Variants in KCTD8 observed in about 807,000 individuals in gnomAD.
KCTD8 encodes potassium channel tetramerization domain containing 8, also known as BTB/POZ domain-containing protein KCTD8.
In KCTD8, 27 loss-of-function variants were observed where a neutral mutation model predicts 31.5. That is an observed-to-expected ratio of 0.86 (90% CI 0.63 to 1.18). The LOEUF is 1.18. Ranked by LOEUF, KCTD8 falls within the 50% of genes most tolerant of loss-of-function variation. The probability of loss-of-function intolerance (pLI) is 0.00; values close to 1 mark genes in which losing one functional copy is unlikely to be tolerated. For synonymous variants in KCTD8, 290 were observed against 280.0 expected, an observed-to-expected ratio of 1.04 and a Z score of -0.36; for missense variants, 658 against 647.7, an observed-to-expected ratio of 1.02 and a Z score of -0.17.
At chr4:44,266,950 C>T (rs920709856) in intron 1 of KCTD8, among the ~76,000 whole-genome samples, 1 of 151,988 alleles carries the variant, frequency 6.6e-6, no homozygotes, top group African/African-American at 2.4e-5. Flanking sequence ...TAATGGGAGA[C>T]TTTAACACCC....
rs368313898 is a variant in KCTD8 at position 44,293,600 on chromosome 4, C to T, written c.962-118350G>A. The T allele has an allele frequency of 4.0e-4, 138 of 347,226 alleles. 2 individuals are homozygous for T. Among genetic ancestry groups the T allele is most frequent in the African/African-American group, 2.2e-3 (100 of 46,438 alleles). 21.5% of individuals were successfully genotyped at this position (347,226 alleles called of 1,614,324 possible). ...CAAATTATATTTATTATTTTAGATG[C>T]TAGATTTCTAGTCTTTAATTTTTTT... On this transcript the variant is annotated intron_variant, in intron 1 of 1. Transcript: ENST00000360029.
chr4:44,448,440 C>G lies in KCTD8; in HGVS notation c.84G>C (p.Ala28=), dbSNP rs1722014807. ...AGGGCCCCGGGGCGGCGGCGGCCGACGCGCCGGGCGAGCTGGACGAGGAAA... is the reference window on the plus strand; with the variant it reads ...AGGGCCCCGGGGCGGCGGCGGCCGAGGCGCCGGGCGAGCTGGACGAGGAAA... ...EMVSSSSSPG[A]SAAAAPGPCA... is the part of the protein sequence containing the mutation. Residue 28 remains alanine (A), a synonymous_variant, in exon 1 of 2, where the codon GCG becomes GCC. Coordinates refer to ENST00000360029, the MANE Select transcript of KCTD8 (RefSeq NM_198353.3). The surrounding 1 kb of genome is among the most constrained non-coding windows in gnomAD (Gnocchi z 4.1). The G allele has an allele frequency of 6.5e-7, 1 of 1,544,912 alleles. No homozygotes were observed. The highest frequency in any genetic ancestry group is 8.7e-7 in the Non-Finnish European group (1 of 1,154,034).
intron 1 of KCTD8, among the ~76,000 whole-genome samples, chr4:44,284,071 C>G (rs1716984657): frequency 6.6e-6 from 1 of 151,878 alleles, no homozygotes; most frequent in South Asian, 2.1e-4. Flanking sequence ...TTTATAGATT[C>G]AATGCTATCC....
intron 1 of KCTD8, among the ~76,000 whole-genome samples, chr4:44,222,308 G>C (rs1174553518): frequency 6.6e-6 from 1 of 152,200 alleles, no homozygotes; most frequent in African/African-American, 2.4e-5. Flanking sequence ...AGGAAGGAAA[G>C]CTCAATGTGG....
chr4:44,374,237 G>C (rs1294094872), intron 1 of KCTD8, among the ~76,000 whole-genome samples: 2 of 152,154 alleles, frequency 1.3e-5, no homozygotes, highest in African/African-American at 4.8e-5. Flanking sequence ...TGAATGGAAA[G>C]GACAATCAAG....
chr4:44,394,776 T>C (rs1461659953), intron 1 of KCTD8, among the ~76,000 whole-genome samples: 1 of 152,122 alleles, frequency 6.6e-6, no homozygotes, highest in Non-Finnish European at 1.5e-5. Flanking sequence ...CTTTACTTGA[T>C]TCAGTGAAGA....
intron 1 of KCTD8, among the ~76,000 whole-genome samples, chr4:44,316,830 A>G (rs28673593): frequency 1.4e-5 from 2 of 145,010 alleles, no homozygotes; most frequent in Non-Finnish European, 3.0e-5. Flanking sequence ...AAAAGAAGAT[A>G]AGCCGAGCTT....
chr4:44,307,212 G>C (rs1717829769), intron 1 of KCTD8, among the ~76,000 whole-genome samples: 1 of 152,010 alleles, frequency 6.6e-6, no homozygotes, highest in Non-Finnish European at 1.5e-5. Flanking sequence ...ATGTTTGCTA[G>C]GGATATTGCA....
At chr4:44,224,934 G>A (rs1214380272) in intron 1 of KCTD8, among the ~76,000 whole-genome samples, 1 of 152,054 alleles carries the variant, frequency 6.6e-6, no homozygotes, top group African/African-American at 2.4e-5. Flanking sequence ...AGCCAAGGAG[G>A]TCACACTCAT....
At chr4:44,446,191 A>G (rs573954247) in intron 1 of KCTD8, among the ~76,000 whole-genome samples, 2 of 152,292 alleles carry the variant, frequency 1.3e-5, no homozygotes, top group African/African-American at 4.8e-5. Context: ...CACTAAGCCA[A>G]CCTTCCAGTT....
intron 1 of KCTD8, among the ~76,000 whole-genome samples, chr4:44,305,502 C>T (rs1717775970): frequency 6.6e-6 from 1 of 151,246 alleles, no homozygotes; most frequent in Non-Finnish European, 1.5e-5. Context: ...ACAAACTCAC[C>T]AGGATGATAT....
chr4:44,349,195 A>G (rs997036825), intron 1 of KCTD8, among the ~76,000 whole-genome samples: 2 of 151,748 alleles, frequency 1.3e-5, no homozygotes, highest in Non-Finnish European at 2.9e-5. Flanking sequence ...ACATTTTGAG[A>G]TGAAGTTAGG....
chr4:44,186,251 C>T lies in KCTD8; in HGVS notation c.962-11001G>A, dbSNP rs118064099. 7.7e-4 allele frequency among the ~76,000 whole-genome samples: 117 copies of T among 152,258 alleles called. 1 individual carries two copies. The East Asian group carries it at 0.017, about 22-fold the overall frequency. On this transcript the variant is annotated intron_variant, in intron 1 of 1. Coordinates refer to ENST00000360029, the MANE Select transcript of KCTD8 (RefSeq NM_198353.3). Reference sequence around the variant, plus strand: ...ATCAACTGGGGGAGCGATGTGGCGGCGGCTGAGGGGAATTTGGTGGAAGCA... The same window carrying T: ...ATCAACTGGGGGAGCGATGTGGCGGTGGCTGAGGGGAATTTGGTGGAAGCA...
intron 1 of KCTD8, among the ~76,000 whole-genome samples, chr4:44,325,824 G>C (rs1429105374): frequency 6.6e-6 from 1 of 151,832 alleles, no homozygotes; most frequent in African/African-American, 2.4e-5. Context: ...TTAATTCACA[G>C]GGGATATAAT....
At chr4:44,355,009 T>C (rs945795751) in intron 1 of KCTD8, among the ~76,000 whole-genome samples, 1 of 152,156 alleles carries the variant, frequency 6.6e-6, no homozygotes, top group Admixed American at 6.6e-5. Context: ...AATAATAAGA[T>C]AGCTTTAGCT....
intron 1 of KCTD8, among the ~76,000 whole-genome samples, chr4:44,447,054 C>T (rs1560457116): frequency 1.3e-5 from 2 of 152,206 alleles, no homozygotes; most frequent in Non-Finnish European, 2.9e-5. Flanking sequence ...TAACTGGAGG[C>T]TCCCGCGCGG....
intron 1 of KCTD8, among the ~76,000 whole-genome samples, chr4:44,403,445 A>C (rs1224600712): frequency 1.4e-5 from 2 of 144,516 alleles, no homozygotes; most frequent in East Asian, 4.1e-4. Context: ...AAAAAAAAAC[A>C]GATTAAGTGG....
intron 1 of KCTD8, among the ~76,000 whole-genome samples, chr4:44,220,267 A>T (rs1714770233): frequency 6.6e-6 from 1 of 152,216 alleles, no homozygotes; most frequent in African/African-American, 2.4e-5. Flanking sequence ...TGTCTTTTCT[A>T]CAGTAAAAGA....
At chr4:44,301,467 GTGA>G (rs1357867347) in intron 1 of KCTD8, among the ~76,000 whole-genome samples, 1 of 152,226 alleles carries the variant, frequency 6.6e-6, no homozygotes, top group Non-Finnish European at 1.5e-5. Context: ...CTGATGGCCA[GTGA>G]TGATGAGCAT....
Sources: gnomAD v4.1 joint callset for allele counts (sites outside exome capture counted in the v4.1 genomes callset) on GRCh38, gnomAD v4.1.1 for gene constraint, Gnocchi (gnomAD v3.1) non-coding constraint, MANE v1.5 for transcripts, NCBI Gene and HGNC (gene_info 2026-07-23, HGNC 2026-07-21) for gene names.